The following MRE11 variants were observed in gnomAD, a reference collection of about 807,000 sequenced individuals.
MRE11 encodes MRE11 double strand break repair nuclease.
MRE11 carries 62 observed loss-of-function variants against 91.7 expected under a neutral mutation model. The ratio of observed to expected loss-of-function variants is 0.68; its 90% CI spans 0.55 to 0.84. The LOEUF (loss-of-function observed/expected upper bound fraction) is 0.84, where lower values mean the gene tolerates loss of function less well. Ranked by LOEUF, MRE11 falls within the 40% of genes least tolerant of loss-of-function variation. MRE11 has a pLI of 0.00. For synonymous variants in MRE11, 273 were observed against 271.4 expected (o/e 1.01, Z -0.06); for missense variants, 796 against 852.9 (o/e 0.93, Z 0.83).
chr11:94,456,266 GAAT>G lies in MRE11; in HGVS notation c.1563+7_1563+9del. 1 of 1,612,508 alleles carries G rather than the reference GAAT, an allele frequency of 6.2e-7. No individual in the cohort carries two copies. The highest frequency in any genetic ancestry group is 1.3e-5 in the African/African-American group (1 of 74,968). On this transcript the variant is annotated splice_region_variant and intron_variant, in intron 14 of 19. Transcript: ENST00000323929. Reference sequence around the variant, plus strand: ...TATATAAACACAAGAATTTGCAGCAGAATAATTACCTCACGGACTTCATCATCT... The same window carrying G: ...TATATAAACACAAGAATTTGCAGCAGAATTACCTCACGGACTTCATCATCT...
At position 94,492,652 on chromosome 11, in the gene MRE11, G is replaced by T. The variant is rs574503275; in HGVS notation, c.20+130C>A. On this transcript the variant is annotated intron_variant, in intron 2 of 19. Coordinates refer to ENST00000323929, the MANE Select transcript of MRE11 (RefSeq NM_005591.4). ...AAACATTCCAAATACCCTTTTTGAT[G>T]ACTAATATTTCTGTTCATAAACAGG... 17 of 1,392,422 alleles carry T rather than the reference G, an allele frequency of 1.2e-5. No homozygotes were observed. The South Asian group carries it at 1.6e-4, about 13-fold the overall frequency. 86.3% of individuals were successfully genotyped at this position (1,392,422 alleles called of 1,614,324 possible).
intron 1 of MRE11, 178 bp downstream of exon 1, chr11:94,493,613 G>A (rs551604131): frequency 6.6e-6 from 1 of 152,436 alleles, no homozygotes; most frequent in East Asian, 1.9e-4. Flanking sequence ...CTCTTCCCGA[G>A]GTTCCAGTTA....
chr11:94,493,068 A>C (rs1430327727), intron 1 of MRE11, among the ~76,000 whole-genome samples, 162 bp from the exon 2 acceptor site: 1 of 152,182 alleles, frequency 6.6e-6, no homozygotes, highest in African/African-American at 2.4e-5. Flanking sequence ...TAATGAACTG[A>C]GCATAGAAAA....
intron 2 of MRE11, 119 bp from the exon 3 acceptor site, chr11:94,491,084 T>C (rs1947273142): frequency 4.2e-6 from 3 of 711,424 alleles, no homozygotes; most frequent in South Asian, 1.9e-5. Context: ...TCATTTTTTT[T>C]AGCCTTAGAG....
chr11:94,472,172 A>T (rs1565229585), intron 7 of MRE11, among the ~76,000 whole-genome samples: 2 of 152,120 alleles, frequency 1.3e-5, no homozygotes, highest in Non-Finnish European at 2.9e-5. Flanking sequence ...ATTTCTTAAC[A>T]TTATCTTTTT....
Position 94,470,458 on chromosome 11 carries a change from C to A in MRE11, c.1017+13G>T, listed in dbSNP as rs780026653. ...CTAAAGTAGATCTCATTGACTTTAT[C>A]AAAAAGAATTACCTTCTCCAAACAG... On this transcript the variant is annotated intron_variant, in intron 9 of 19. Coordinates refer to ENST00000323929, the MANE Select transcript of MRE11 (RefSeq NM_005591.4). 2.5e-6 allele frequency: 4 copies of A among 1,610,982 alleles called. No individual in the cohort carries two copies. The highest frequency in any genetic ancestry group is 3.4e-6 in the Non-Finnish European group (4 of 1,177,868).
chr11:94,478,701 C>A (rs1033326953), intron 6 of MRE11, 34 bp downstream of exon 6: 15 of 1,609,600 alleles, frequency 9.3e-6, no homozygotes, highest in African/African-American at 1.3e-5. Context: ...AAGAATCACA[C>A]ATGGACATAA....
chr11:94,508,921 C>G, the MRE11 span, among the ~76,000 whole-genome samples: 3 of 152,182 alleles, frequency 2.0e-5, no homozygotes, highest in African/African-American at 7.2e-5. Context: ...ACCACCACAC[C>G]CAGTTAATTT....
intron 1 of MRE11, among the ~76,000 whole-genome samples, chr11:94,493,400 C>G (rs1947345552): frequency 1.3e-5 from 2 of 152,132 alleles, no homozygotes; most frequent in South Asian, 2.1e-4. Flanking sequence ...ACGTGGTCTG[C>G]GGAGGAACAC....
chr11:94,471,703 T>C lies in MRE11; in HGVS notation c.716A>G (p.Asp239Gly), dbSNP rs876659678. The change falls in exon 8 of 20, where the codon GAT becomes GGT. Residue 239 changes from aspartate to glycine, a missense_variant. Coordinates refer to ENST00000323929, the MANE Select transcript of MRE11 (RefSeq NM_005591.4). ...IPEQFLDDFI[D>G]LVIWGHEHEC... ...ATGTTCATGGCCCCAGATAACAAGA[T>C]CAATGAAGTCATCCAAAAATTGTTC... is the stretch of plus-strand genomic sequence containing the variant. 1.2e-6 allele frequency: 2 copies of C among 1,612,526 alleles called. No individual in the cohort carries two copies. Among genetic ancestry groups the C allele is most frequent in the Non-Finnish European group, 1.7e-6 (2 of 1,179,076 alleles).
At chr11:94,467,721 C>T in intron 10 of MRE11, 92 bp downstream of exon 10, 4 of 1,108,272 alleles carry the variant, frequency 3.6e-6, no homozygotes, top group Non-Finnish European at 5.5e-6. Flanking sequence ...ACTATGAGCA[C>T]TCTCCTCACT....
intron 9 of MRE11, among the ~76,000 whole-genome samples, chr11:94,470,256 ATT>A (rs1050077629): frequency 6.6e-6 from 1 of 151,784 alleles, no homozygotes; most frequent in African/African-American, 2.4e-5. Flanking sequence ...GAGAGATTTA[ATT>A]TTTTTTAACA....
chr11:94,490,760 A>G (rs536878565), intron 3 of MRE11, 73 bp downstream of exon 3: 2 of 1,559,004 alleles, frequency 1.3e-6, no homozygotes, highest in South Asian at 2.2e-5. Context: ...ACAAATCTCT[A>G]ACTTTAGAAG....
chr11:94,510,214 T>C, the MRE11 span, among the ~76,000 whole-genome samples: 2 of 152,216 alleles, frequency 1.3e-5, no homozygotes, highest in Non-Finnish European at 2.9e-5. Flanking sequence ...TTTCTTCTTG[T>C]GTCTATTTTG....
At chr11:94,500,282 G>T in the MRE11 span, among the ~76,000 whole-genome samples, 9 of 152,128 alleles carry the variant, frequency 5.9e-5, no homozygotes, top group Non-Finnish European at 1.2e-4. Context: ...TTTCCAATAA[G>T]GACCTAAGAT....
At chr11:94,454,934 C>G (rs1452545775) in intron 14 of MRE11, among the ~76,000 whole-genome samples, 1 of 152,020 alleles carries the variant, frequency 6.6e-6, no homozygotes, top group African/African-American at 2.4e-5. Flanking sequence ...TTAAATGCAC[C>G]TTATAAGATA....
chr11:94,443,046 T>C (rs567318597), intron 16 of MRE11, among the ~76,000 whole-genome samples: 1 of 152,358 alleles, frequency 6.6e-6, no homozygotes, highest in African/African-American at 2.4e-5. Flanking sequence ...TGGAATTTTT[T>C]GTAAGGTTTA....
At chr11:94,474,436 T>C (rs1389125503) in intron 7 of MRE11, among the ~76,000 whole-genome samples, 1 of 143,052 alleles carries the variant, frequency 7.0e-6, no homozygotes, top group East Asian at 2.1e-4. Flanking sequence ...TTCAAGTCCA[T>C]AATGACATAA....
intron 3 of MRE11, among the ~76,000 whole-genome samples, chr11:94,487,797 C>T (rs563663129): frequency 7.2e-5 from 11 of 152,188 alleles, no homozygotes; most frequent in South Asian, 2.1e-4. Flanking sequence ...ACCTGGGTGA[C>T]GGGTAAGGAA....
Sources: gnomAD v4.1 joint callset for allele counts (sites outside exome capture counted in the v4.1 genomes callset) on GRCh38, gnomAD v4.1.1 for gene constraint, MANE v1.5 for transcripts, NCBI Gene and HGNC (gene_info 2026-07-23, HGNC 2026-07-21) for gene names.